The following CRB1 variants were observed in gnomAD, a reference collection of about 807,000 sequenced individuals.
CRB1 encodes protein crumbs homolog 1.
CRB1 carries 83 observed loss-of-function variants against 120.0 expected under a neutral mutation model. The ratio of observed to expected loss-of-function variants is 0.69; its 90% CI spans 0.58 to 0.83. The LOEUF is 0.83. Ranked by LOEUF, CRB1 falls within the 40% of genes least tolerant of loss-of-function variation. The pLI is 0.00. For missense variants in CRB1, 1,699 were observed against 1,687.6 expected (o/e 1.01, Z -0.12); for synonymous variants, 625 against 612.5 (o/e 1.02, Z -0.30).
the CRB1 span, chr1:197,222,545 C>T: frequency 3.9e-6 from 3 of 768,208 alleles, no homozygotes; most frequent in Non-Finnish European, 7.3e-6. Context: ...TTGCAAATTC[C>T]ATTCGCTCTT....
chr1:197,224,339 A>G, the CRB1 span, among the ~76,000 whole-genome samples: 1 of 152,186 alleles, frequency 6.6e-6, no homozygotes, highest in African/African-American at 2.4e-5. Context: ...GACTTTGAAT[A>G]TATTACAGCT....
At chr1:197,383,818 C>A (rs1662078880) in intron 5 of CRB1, among the ~76,000 whole-genome samples, 1 of 152,256 alleles carries the variant, frequency 6.6e-6, no homozygotes, top group African/African-American at 2.4e-5. Context: ...TACTGACTAC[C>A]AGTTTAATTG....
chr1:197,319,480 T>A (rs999958039), intron 1 of CRB1, among the ~76,000 whole-genome samples: 10 of 150,354 alleles, frequency 6.7e-5, no homozygotes, highest in African/African-American at 1.5e-4. Flanking sequence ...GAATATTTTT[T>A]AAATATTCTC....
chr1:197,228,852 G>A, the CRB1 span, among the ~76,000 whole-genome samples: 3 of 152,174 alleles, frequency 2.0e-5, no homozygotes, highest in South Asian at 2.1e-4. Flanking sequence ...GAATCATGGC[G>A]AGAAGTGAAA....
chr1:197,344,510 G>C (rs1298840913), intron 3 of CRB1, 34 bp downstream of exon 3: 2 of 1,588,630 alleles, frequency 1.3e-6, no homozygotes, highest in South Asian at 1.1e-5. Flanking sequence ...GATTGGCTTA[G>C]AACTCCCTGA....
At chr1:197,451,587 C>G (rs1665975872) in intron 11 of CRB1, among the ~76,000 whole-genome samples, 2 of 152,282 alleles carry the variant, frequency 1.3e-5, no homozygotes, top group South Asian at 4.1e-4. Context: ...CTGCCCCATT[C>G]AGAGCAAGGA....
the CRB1 span, among the ~76,000 whole-genome samples, chr1:197,248,371 T>C: frequency 2.6e-3 from 401 of 152,126 alleles, 2 homozygotes; most frequent in Non-Finnish European, 4.5e-3. Flanking sequence ...TGCTTACCAG[T>C]TACTGGACCT....
chr1:197,319,432 CAAAAAAA>C (rs10646084), intron 1 of CRB1, among the ~76,000 whole-genome samples: 571 of 27,058 alleles, frequency 0.021, 1 homozygote, highest in African/African-American at 0.091. Flanking sequence ...GACTCCATCT[CAAAAAAA>C]AAAAAAAAAA....
chr1:197,429,549 A>G lies in CRB1; in HGVS notation c.2777A>G (p.Gln926Arg). 2 of 1,614,006 alleles carry G rather than the reference A, an allele frequency of 1.2e-6. No individual in the cohort carries two copies. Among genetic ancestry groups the G allele is most frequent in the Non-Finnish European group, 1.7e-6 (2 of 1,179,962 alleles). The change falls in exon 8 of 12, where the codon CAG becomes CGG. Residue 926 changes from glutamine (Q) to arginine (R), a missense_variant. Coordinates refer to ENST00000367400, the MANE Select transcript of CRB1 (RefSeq NM_201253.3). ...AGTGGGAAAGCCTGTGAGGAGGTTC[A>G]GTGGTGTGGATTCAGCCCGTGTCCT... ...LTSGKACEEVQWCGFSPCPHG... is the reference protein window; with the variant it reads ...LTSGKACEEVRWCGFSPCPHG...
At chr1:197,360,853 T>C (rs374009308) in intron 5 of CRB1, among the ~76,000 whole-genome samples, 3 of 152,338 alleles carry the variant, frequency 2.0e-5, no homozygotes, top group East Asian at 3.9e-4. Flanking sequence ...TCATTCACCA[T>C]TTTAGAGGGA....
intron 7 of CRB1, chr1:197,429,097 A>G (rs967619072): frequency 2.6e-6 from 4 of 1,518,048 alleles, no homozygotes; most frequent in Middle Eastern, 3.3e-4. Context: ...TTTATCATCT[A>G]TAAAACCAGG....
chr1:197,260,334 A>G, the CRB1 span, among the ~76,000 whole-genome samples: 1 of 152,192 alleles, frequency 6.6e-6, no homozygotes, highest in Non-Finnish European at 1.5e-5. Flanking sequence ...ATCTGGAAAT[A>G]AAGTTAAATC....
chr1:197,260,699 A>ATT, the CRB1 span, among the ~76,000 whole-genome samples: 4 of 144,316 alleles, frequency 2.8e-5, no homozygotes, highest in South Asian at 4.4e-4. Flanking sequence ...CAACTAACTA[A>ATT]TTTTTTTTTT....
At chr1:197,363,789 T>C in intron 5 of CRB1, 1 of 702,736 alleles carries the variant, frequency 1.4e-6, no homozygotes, top group Non-Finnish European at 2.6e-6. Context: ...TTTGTGGCTC[T>C]GCAGAATGGA....
At chr1:197,426,022 C>T (rs1020987835) in intron 6 of CRB1, among the ~76,000 whole-genome samples, 1 of 151,620 alleles carries the variant, frequency 6.6e-6, no homozygotes, top group African/African-American at 2.4e-5. Context: ...CTAGTCACTT[C>T]TGCTTGGATA....
At chr1:197,234,135 T>C in the CRB1 span, among the ~76,000 whole-genome samples, 3 of 152,174 alleles carry the variant, frequency 2.0e-5, no homozygotes, top group Non-Finnish European at 4.4e-5. Context: ...TGAAGATATT[T>C]TTATTACTTG....
chr1:197,359,797 G>A (rs12032589), intron 5 of CRB1, among the ~76,000 whole-genome samples: 1 of 152,076 alleles, frequency 6.6e-6, no homozygotes, highest in East Asian at 1.9e-4. Flanking sequence ...CATGTTGATA[G>A]GTATGCAGTG....
the CRB1 span, among the ~76,000 whole-genome samples, chr1:197,250,091 T>C: frequency 6.6e-6 from 1 of 152,004 alleles, no homozygotes; most frequent in East Asian, 1.9e-4. Context: ...CTTTATAGTG[T>C]TTTAATGTTT....
intron 2 of CRB1, among the ~76,000 whole-genome samples, chr1:197,336,079 G>C (rs945238970): frequency 2.9e-4 from 44 of 152,060 alleles, no homozygotes; most frequent in African/African-American, 1.1e-3. Context: ...TACCTCCCTG[G>C]GTTACATGAT....
Sources: gnomAD v4.1 joint callset for allele counts (sites outside exome capture counted in the v4.1 genomes callset) on GRCh38, gnomAD v4.1.1 for gene constraint, MANE v1.5 for transcripts, NCBI Gene and HGNC (gene_info 2026-07-23, HGNC 2026-07-21) for gene names.